GALNT13: variants seen among roughly 807,000 people sequenced by gnomAD.
GALNT13 encodes the protein polypeptide N-acetylgalactosaminyltransferase 13.
In GALNT13, 28 loss-of-function variants were observed where a neutral mutation model predicts 64.2. That is an observed-to-expected ratio of 0.44 (90% CI 0.32 to 0.60). The LOEUF (loss-of-function observed/expected upper bound fraction) is 0.60, where lower values mean the gene tolerates loss of function less well. GALNT13 is among the 20% of genes least tolerant of loss of function. The pLI is 0.05. For missense variants in GALNT13, 577 were observed against 669.8 expected, an observed-to-expected ratio of 0.86 and a Z score of 1.53; for synonymous variants, 214 against 224.6, an observed-to-expected ratio of 0.95 and a Z score of 0.42.
chr2:153,625,202 G>A, the GALNT13 span, among the ~76,000 whole-genome samples: 19 of 152,016 alleles, frequency 1.2e-4, no homozygotes, highest in Middle Eastern at 0.01. Flanking sequence ...AGATTAAGGC[G>A]GTCTTTCAGA....
intron 3 of GALNT13, among the ~76,000 whole-genome samples, chr2:153,965,995 G>T (rs183186443): frequency 6.6e-5 from 10 of 151,824 alleles, no homozygotes; most frequent in Admixed American, 5.9e-4. Context: ...CAGTTTCAGG[G>T]TATTCTGTAT....
At chr2:153,276,706 C>T in the GALNT13 span, among the ~76,000 whole-genome samples, 1 of 7,136 alleles carries the variant, frequency 1.4e-4, no homozygotes, top group Non-Finnish European at 7.0e-4. Context: ...ATTGAATATC[C>T]CCCTCTTATA....
the GALNT13 span, among the ~76,000 whole-genome samples, chr2:153,082,616 TATACACACACACACACACAC>T: frequency 7.5e-5 from 2 of 26,582 alleles, no homozygotes; most frequent in Admixed American, 5.8e-4. Flanking sequence ...TATATATATA[TATACACACACACACACACAC>T]ACACACACAC....
intron 9 of GALNT13, among the ~76,000 whole-genome samples, chr2:154,324,500 A>G (rs1396354031): frequency 6.6e-6 from 1 of 152,126 alleles, no homozygotes; most frequent in African/African-American, 2.4e-5. Flanking sequence ...TAGTTGGCAA[A>G]TGCTACCTCC....
the GALNT13 span, among the ~76,000 whole-genome samples, chr2:153,444,173 C>A: frequency 6.6e-6 from 1 of 152,108 alleles, no homozygotes; most frequent in East Asian, 1.9e-4. Flanking sequence ...TATCATTTAT[C>A]CATCCATCCA....
At chr2:153,641,804 C>A in the GALNT13 span, among the ~76,000 whole-genome samples, 1 of 151,986 alleles carries the variant, frequency 6.6e-6, no homozygotes, top group Admixed American at 6.6e-5. Context: ...AAGAAATCTA[C>A]AATTTATTTG....
At chr2:154,389,773 C>T (rs1347337476) in intron 9 of GALNT13, among the ~76,000 whole-genome samples, 1 of 152,074 alleles carries the variant, frequency 6.6e-6, no homozygotes, top group African/African-American at 2.4e-5. Flanking sequence ...AAATCCATAT[C>T]CTCAATTGAC....
At chr2:153,739,900 T>A in the GALNT13 span, among the ~76,000 whole-genome samples, 1 of 151,762 alleles carries the variant, frequency 6.6e-6, no homozygotes, top group South Asian at 2.1e-4. Context: ...GTTTGAGTTA[T>A]GTCATTTTTC....
the GALNT13 span, among the ~76,000 whole-genome samples, chr2:153,748,844 T>C: frequency 6.6e-6 from 1 of 151,840 alleles, no homozygotes; most frequent in African/African-American, 2.4e-5. Flanking sequence ...AGAAACTTTT[T>C]CCACCCTTAT....
intron 4 of GALNT13, among the ~76,000 whole-genome samples, chr2:154,144,009 G>C (rs867182528): frequency 1.3e-5 from 2 of 151,868 alleles, no homozygotes; most frequent in Non-Finnish European, 2.9e-5. Context: ...AATTCAAGTT[G>C]CTTAGCATGT....
chr2:154,023,067 T>C (rs575014180), intron 3 of GALNT13, among the ~76,000 whole-genome samples: 2 of 151,914 alleles, frequency 1.3e-5, no homozygotes, highest in East Asian at 1.9e-4. Flanking sequence ...GAGACTGTTA[T>C]AATTTCTGTT....
intron 1 of GALNT13, among the ~76,000 whole-genome samples, chr2:153,887,617 C>T (rs1687274152): frequency 6.6e-6 from 1 of 151,890 alleles, no homozygotes; most frequent in South Asian, 2.1e-4. Context: ...CAATGCTAAA[C>T]AATGACCTAC....
chr2:154,051,892 A>G (rs978966499), intron 3 of GALNT13, among the ~76,000 whole-genome samples: 3 of 152,276 alleles, frequency 2.0e-5, no homozygotes, highest in South Asian at 4.1e-4. Flanking sequence ...GAGCTTTCCA[A>G]TGTATATTTA....
intron 8 of GALNT13, among the ~76,000 whole-genome samples, chr2:154,289,257 A>G (rs1244417603): frequency 6.6e-6 from 1 of 152,218 alleles, no homozygotes; most frequent in Admixed American, 6.5e-5. Flanking sequence ...GCATAAAGCA[A>G]TAAGGCCCTG....
chr2:153,270,895 T>C, the GALNT13 span, among the ~76,000 whole-genome samples: 6 of 151,928 alleles, frequency 3.9e-5, no homozygotes, highest in Non-Finnish European at 8.8e-5. Flanking sequence ...TGTTAAAAAG[T>C]AGCACATCAA....
At chr2:154,160,217 C>T (rs372563074) in intron 4 of GALNT13, among the ~76,000 whole-genome samples, 22 of 152,210 alleles carry the variant, frequency 1.4e-4, no homozygotes, top group Admixed American at 3.9e-4. Context: ...CTCTCCAATG[C>T]GGCATGCATT....
chr2:153,687,856 G>T, the GALNT13 span, among the ~76,000 whole-genome samples: 1 of 151,866 alleles, frequency 6.6e-6, no homozygotes, highest in Admixed American at 6.6e-5. Context: ...AATAAAGAAA[G>T]AAAGTAGCAA....
the GALNT13 span, among the ~76,000 whole-genome samples, chr2:153,649,199 G>T: frequency 5.9e-4 from 90 of 152,252 alleles, no homozygotes; most frequent in African/African-American, 2.1e-3. Flanking sequence ...TTGGGAGGGT[G>T]TATGTTTCAA....
the GALNT13 span, among the ~76,000 whole-genome samples, chr2:153,474,761 A>G: frequency 6.6e-6 from 1 of 152,208 alleles, no homozygotes; most frequent in Non-Finnish European, 1.5e-5. Flanking sequence ...GAAATATCAG[A>G]TAAGTCCCCC....
Sources: gnomAD v4.1 joint callset for allele counts (sites outside exome capture counted in the v4.1 genomes callset) on GRCh38, gnomAD v4.1.1 for gene constraint, MANE v1.5 for transcripts, NCBI Gene and HGNC (gene_info 2026-07-23, HGNC 2026-07-21) for gene names.